Variants in WNT9B observed in about 807,000 individuals in gnomAD.
WNT9B encodes the protein Wnt family member 9B.
WNT9B carries 12 observed loss-of-function variants against 30.2 expected under a neutral mutation model. That is an observed-to-expected ratio of 0.40 (90% CI 0.26 to 0.64). The LOEUF is 0.64. Among genes scored for constraint, WNT9B ranks in the 30% least tolerant of loss-of-function variants. The pLI is 0.42. For missense variants in WNT9B, 442 were observed against 485.2 expected (o/e 0.91, Z 0.84); for synonymous variants, 218 against 216.9 (o/e 1.01, Z -0.05).
chr17:46,867,592 G>A (rs751348100), intron 1 of WNT9B, among the ~76,000 whole-genome samples: 4 of 152,232 alleles, frequency 2.6e-5, no homozygotes, highest in Non-Finnish European at 4.4e-5. Flanking sequence ...CCTGCTGACG[G>A]TGGACAGAGC....
chr17:46,854,717 G>T (rs1008553176), intron 1 of WNT9B, among the ~76,000 whole-genome samples: 8 of 152,146 alleles, frequency 5.3e-5, no homozygotes, highest in African/African-American at 1.9e-4. Flanking sequence ...GCTGGGTGCA[G>T]TGTCATGATC....
chr17:46,885,969 G>GA (rs1296958092), exon 5 of WNT9B: 5 of 152,280 alleles, frequency 3.3e-5, no homozygotes, highest in African/African-American at 1.2e-4. Flanking sequence ...ATGAGGTGGG[G>GA]AATGAGCTAA....
In WNT9B at chr17:46,864,954, T is replaced by C. The variant is rs539756735; in HGVS notation, c.78-7563T>C. On this transcript the variant is annotated intron_variant, in intron 1 of 3. Coordinates refer to ENST00000290015, the MANE Select transcript of WNT9B (RefSeq NM_003396.3). Reference sequence around the variant, plus strand: ...AAAGGGTTTCTCCAGCTCTAACGTATAATGGTTTGAATGGTGTACATTTGG... The same window carrying C: ...AAAGGGTTTCTCCAGCTCTAACGTACAATGGTTTGAATGGTGTACATTTGG... Among the ~76,000 whole-genome samples, 8 of 152,274 alleles carry C rather than the reference T, an allele frequency of 5.3e-5. No homozygotes were observed. The South Asian group carries it at 1.7e-3, about 32-fold the overall frequency.
chr17:46,838,321 T>C (rs1417243987), intron 1 of WNT9B, among the ~76,000 whole-genome samples: 31 of 144,540 alleles, frequency 2.1e-4, no homozygotes, highest in African/African-American at 8.5e-4. Context: ...GGGGCCTGCC[T>C]TAAAAAAAAA....
At chr17:46,845,129 G>T (rs188919383) in intron 1 of WNT9B, among the ~76,000 whole-genome samples, 1 of 152,340 alleles carries the variant, frequency 6.6e-6, no homozygotes, top group South Asian at 2.1e-4. Context: ...GATTACAGGC[G>T]TAAGCCACAG....
downstream of WNT9B, chr17:46,884,922 T>C (rs901832612): frequency 8.6e-6 from 3 of 348,636 alleles, no homozygotes; most frequent in South Asian, 4.2e-5. Context: ...CAGTGAAATT[T>C]GTGAACTCCC....
intron 1 of WNT9B, among the ~76,000 whole-genome samples, chr17:46,855,236 G>A (rs966900624): frequency 6.6e-5 from 10 of 152,228 alleles, no homozygotes; most frequent in African/African-American, 2.2e-4. Flanking sequence ...GGGTGAGGGT[G>A]GAGGGAGCCT....
intron 1 of WNT9B, among the ~76,000 whole-genome samples, chr17:46,856,770 C>T (rs1286259320): frequency 6.6e-6 from 1 of 152,144 alleles, no homozygotes; most frequent in Non-Finnish European, 1.5e-5. Context: ...GGGCGTGCAC[C>T]ACCACGGCCA....
Position 46,865,812 on chromosome 17 carries a change from A to G in WNT9B, c.78-6705A>G, listed in dbSNP as rs116698175. Among the ~76,000 whole-genome samples the G allele has an allele frequency of 4.8e-3, 736 of 152,236 alleles. 4 individuals are homozygous for G. Among genetic ancestry groups the G allele is most frequent in the African/African-American group, 0.017 (699 of 41,530 alleles). ...ATTTTGTAGAGACAACGTCTCACTT[A>G]CGTTGCCCAGGCTGGTTTTGAACTC... On this transcript the variant is annotated intron_variant, in intron 1 of 3. Coordinates refer to ENST00000290015, the MANE Select transcript of WNT9B (RefSeq NM_003396.3).
intron 1 of WNT9B, among the ~76,000 whole-genome samples, chr17:46,870,904 C>CTTTTTTTTTTTTTT (rs144277402): frequency 5.1e-5 from 4 of 78,388 alleles, no homozygotes; most frequent in African/African-American, 2.0e-4. Context: ...TCCACCTTTG[C>CTTTTTTTTTTTTTT]TTTTTTTTTT....
At chr17:46,842,948 G>A (rs918819507) in intron 1 of WNT9B, among the ~76,000 whole-genome samples, 7 of 152,176 alleles carry the variant, frequency 4.6e-5, no homozygotes, top group South Asian at 2.1e-4. Flanking sequence ...AACCGAGGTC[G>A]CAGAGGAAGC....
chr17:46,844,121 T>C (rs911144918), intron 1 of WNT9B, among the ~76,000 whole-genome samples: 2 of 149,386 alleles, frequency 1.3e-5, no homozygotes, highest in Admixed American at 1.3e-4. Flanking sequence ...GCCTGGCTAA[T>C]TTTTTTTTTC....
chr17:46,883,864 G>A (rs1384788220), downstream of WNT9B, among the ~76,000 whole-genome samples: 2 of 152,204 alleles, frequency 1.3e-5, no homozygotes, highest in East Asian at 1.9e-4. Flanking sequence ...CCTCTCACGC[G>A]TCTTATCCCC....
chr17:46,872,795 CG>C, intron 2 of WNT9B, 22 bp downstream of exon 2: 1 of 788,926 alleles, frequency 1.3e-6, no homozygotes. Context: ...GGCTAGGGGA[CG>C]GGGAGGGCTG....
upstream of WNT9B, among the ~76,000 whole-genome samples, chr17:46,847,967 A>AGTGCGT (rs1555694099): frequency 6.7e-6 from 1 of 149,584 alleles, no homozygotes; most frequent in African/African-American, 2.5e-5. Context: ...TGATTTCCAA[A>AGTGCGT]GTGTGTGTGT....
chr17:46,858,666 A>C (rs1226452610), intron 1 of WNT9B, among the ~76,000 whole-genome samples: 2 of 152,112 alleles, frequency 1.3e-5, no homozygotes, highest in Non-Finnish European at 2.9e-5. Flanking sequence ...CCTCAGGGCC[A>C]TTCCTCCAGA....
Position 46,879,438 on chromosome 17 carries a change from T to G in WNT9B, c.*2720T>G, listed in dbSNP as rs914675018. On this transcript the variant is annotated 3_prime_UTR_variant, in exon 4 of 4. Transcript: ENST00000290015. ...CTTCTGGGTCCAGGCCCCCTTCTTC[T>G]GCTCTGGCAAAAGTGTCTTACTCAT... 2.6e-5 allele frequency among the ~76,000 whole-genome samples: 4 copies of G among 152,254 alleles called. No homozygotes were observed. Among genetic ancestry groups the G allele is most frequent in the African/African-American group, 7.2e-5 (3 of 41,470 alleles).
At chr17:46,839,341 C>T (rs571512000) in intron 1 of WNT9B, among the ~76,000 whole-genome samples, 9 of 152,340 alleles carry the variant, frequency 5.9e-5, no homozygotes, top group African/African-American at 2.2e-4. Context: ...GCTGTGGGTA[C>T]CTGACCCTTG....
rs1480773790 is a variant in WNT9B at position 46,880,424 on chromosome 17, A to T, written c.*3706A>T. On this transcript the variant is annotated 3_prime_UTR_variant, in exon 4 of 4. Transcript: ENST00000290015. ...TTATTCAACCAATGATTATTTAGGG[A>T]TCTCTTATTGAGCACCAGGCAGCAT... Among the ~76,000 whole-genome samples the T allele has an allele frequency of 2.0e-5, 3 of 152,168 alleles. No individual in the cohort carries two copies. The highest frequency in any genetic ancestry group is 7.2e-5 in the African/African-American group (3 of 41,442).
Sources: allele counts gnomAD v4.1 joint callset (sites outside exome capture counted in the v4.1 genomes callset), GRCh38; gene constraint gnomAD v4.1.1; transcripts MANE v1.5; gene names NCBI Gene and HGNC (gene_info 2026-07-23, HGNC 2026-07-21).